SMAP1: variants seen among roughly 807,000 people sequenced by gnomAD.
SMAP1 encodes the protein small ArfGAP 1.
In SMAP1, 24 loss-of-function variants were observed where a neutral mutation model predicts 58.5. That is an observed-to-expected ratio of 0.41 (90% CI 0.30 to 0.58). The LOEUF is 0.58. SMAP1 is among the 20% of genes least tolerant of loss of function. The pLI is 0.29. For synonymous variants in SMAP1, 216 were observed against 196.6 expected (o/e 1.10, Z -0.82); for missense variants, 563 against 566.3 (o/e 0.99, Z 0.06).
chr6:70,854,445 A>C (rs1771313728), intron 8 of SMAP1, among the ~76,000 whole-genome samples: 1 of 152,114 alleles, frequency 6.6e-6, no homozygotes, highest in Non-Finnish European at 1.5e-5. Context: ...AACATGGTGA[A>C]ACCCCATCTC....
At chr6:70,795,622 A>T (rs1251658232) in intron 5 of SMAP1, among the ~76,000 whole-genome samples, 1 of 152,134 alleles carries the variant, frequency 6.6e-6, no homozygotes, top group Non-Finnish European at 1.5e-5. Context: ...ATAATATCAC[A>T]TTGGGGATTA....
At chr6:70,774,089 C>T (rs1229161120) in intron 4 of SMAP1, among the ~76,000 whole-genome samples, 1 of 152,104 alleles carries the variant, frequency 6.6e-6, no homozygotes, top group Non-Finnish European at 1.5e-5. Flanking sequence ...ACATGCAGTA[C>T]AGGTTTGTAG....
In SMAP1 at chr6:70,860,034, C is replaced by CAAAGT. The variant is rs764774474; in HGVS notation, c.1270-164_1270-160dup. On this transcript the variant is annotated intron_variant, in intron 10 of 10. Coordinates refer to ENST00000370455, the MANE Select transcript of SMAP1 (RefSeq NM_001044305.3). ...TCTAGAAAGTAGATAAAGAAGGGAA[C>CAAAGT]AAAGTAGCTATTTGCTTTAAGAAAT... 11 of 654,770 alleles carry CAAAGT rather than the reference C, an allele frequency of 1.7e-5. No homozygotes were observed. The South Asian group carries it at 1.7e-4, about 10-fold the overall frequency. The allele number at this position is 654,770 out of a possible 1,614,324, so 40.6% of individuals were successfully genotyped here. A position where few individuals can be genotyped will look rare whatever the true frequency, so the allele number is the denominator to read the frequency against.
chr6:70,786,038 A>C (rs1768009302), intron 4 of SMAP1, among the ~76,000 whole-genome samples: 1 of 152,256 alleles, frequency 6.6e-6, no homozygotes. Flanking sequence ...ATGAACATAC[A>C]TGCAAAAATT....
chr6:70,701,730 G>A (rs570336857), intron 1 of SMAP1, among the ~76,000 whole-genome samples: 1 of 152,152 alleles, frequency 6.6e-6, no homozygotes, highest in Non-Finnish European at 1.5e-5. Flanking sequence ...CTGCTGTCCA[G>A]GGGGTTGAGG....
chr6:70,683,813 A>G lies in SMAP1; in HGVS notation c.118+15672A>G, dbSNP rs1417336744. On this transcript the variant is annotated intron_variant, in intron 1 of 10. Coordinates refer to ENST00000370455, the MANE Select transcript of SMAP1 (RefSeq NM_001044305.3). ...GGTATCTGTTCGAGTCTGCTATACT[A>G]GAGAGATAAAAGAGGTTAAATGACT... is the stretch of plus-strand genomic sequence containing the variant. Among the ~76,000 whole-genome samples, 4 of 152,242 alleles carry G rather than the reference A, an allele frequency of 2.6e-5. No individual in the cohort carries two copies. In the South Asian group the frequency reaches 8.3e-4, roughly 32 times the overall value.
At chr6:70,744,213 GTGCACAACA>G (rs1562128616) in intron 2 of SMAP1, among the ~76,000 whole-genome samples, 1 of 148,590 alleles carries the variant, frequency 6.7e-6, no homozygotes, top group East Asian at 2.0e-4. Context: ...TAGGGTACAT[GTGCACAACA>G]TGCAGGTTTG....
Position 70,757,677 on chromosome 6 carries a change from AAAAC to A in SMAP1, c.338+2619_338+2622del, listed in dbSNP as rs796561213. On this transcript the variant is annotated intron_variant, in intron 3 of 10. Transcript: ENST00000370455. Reference sequence around the variant, plus strand: ...TGAACTCAAACAAATTTACAAGAAAAAAACAAACAACCCCATCAAAAAGTGGGCG... The same window carrying A: ...TGAACTCAAACAAATTTACAAGAAAAAAACAACCCCATCAAAAAGTGGGCG... Among the ~76,000 whole-genome samples the A allele has an allele frequency of 5.2e-4, 79 of 152,288 alleles. 1 individual carries two copies. The East Asian group carries it at 7.1e-3, about 14-fold the overall frequency.
At chr6:70,675,734 A>G (rs984786554) in intron 1 of SMAP1, among the ~76,000 whole-genome samples, 5 of 151,958 alleles carry the variant, frequency 3.3e-5, no homozygotes, top group Non-Finnish European at 7.4e-5. Context: ...GGGGATAGGT[A>G]GATAAGGTTC....
At chr6:70,791,666 G>T in intron 4 of SMAP1, 23 bp from the exon 5 acceptor site, 2 of 1,590,418 alleles carry the variant, frequency 1.3e-6, no homozygotes, top group Admixed American at 1.7e-5. Context: ...TTTTCCTCCT[G>T]ACTTTTCACC....
chr6:70,685,169 C>G (rs1250394748), intron 1 of SMAP1, among the ~76,000 whole-genome samples: 1 of 151,568 alleles, frequency 6.6e-6, no homozygotes, highest in East Asian at 1.9e-4. Context: ...TATTACTTTG[C>G]AGGAAGCATT....
intron 1 of SMAP1, among the ~76,000 whole-genome samples, chr6:70,692,782 T>C (rs563991702): frequency 6.6e-6 from 1 of 152,308 alleles, no homozygotes; most frequent in East Asian, 1.9e-4. Context: ...TCTATGTGTC[T>C]ATTTTTTGTT....
At chr6:70,813,952 G>T (rs893599687) in intron 6 of SMAP1, among the ~76,000 whole-genome samples, 1 of 151,964 alleles carries the variant, frequency 6.6e-6, no homozygotes, top group Non-Finnish European at 1.5e-5. Flanking sequence ...TAATTCATCT[G>T]GTAGCATTTA....
At chr6:70,778,413 A>G (rs1273418540) in intron 4 of SMAP1, among the ~76,000 whole-genome samples, 1 of 152,232 alleles carries the variant, frequency 6.6e-6, no homozygotes, top group East Asian at 1.9e-4. Flanking sequence ...AATGTTTATC[A>G]TGAAGAGATG....
chr6:70,708,803 A>G (rs1767942927), intron 1 of SMAP1, among the ~76,000 whole-genome samples: 1 of 152,130 alleles, frequency 6.6e-6, no homozygotes, highest in Non-Finnish European at 1.5e-5. Context: ...CCCGTTTTTA[A>G]GTAAGTGTTT....
intron 1 of SMAP1, among the ~76,000 whole-genome samples, chr6:70,729,451 AAAG>A (rs1358628417): frequency 2.4e-4 from 20 of 83,230 alleles, no homozygotes; most frequent in South Asian, 9.0e-4. Context: ...AAAAAAAAAA[AAAG>A]AAGGTTGTGT....
intron 6 of SMAP1, among the ~76,000 whole-genome samples, chr6:70,814,902 A>G (rs187530463): frequency 1.3e-5 from 2 of 152,140 alleles, no homozygotes; most frequent in African/African-American, 2.4e-5. Flanking sequence ...GCTTCTGTAC[A>G]TTGCTAAATG....
At chr6:70,814,132 C>T (rs1769509426) in intron 6 of SMAP1, among the ~76,000 whole-genome samples, 2 of 152,146 alleles carry the variant, frequency 1.3e-5, no homozygotes, top group Admixed American at 6.6e-5. Flanking sequence ...GGTTTGCTGC[C>T]TGCCAAAAGA....
intron 6 of SMAP1, among the ~76,000 whole-genome samples, chr6:70,803,252 T>G (rs187536743): frequency 1.6e-4 from 24 of 152,270 alleles, no homozygotes; most frequent in African/African-American, 5.8e-4. Context: ...TGTCCAGCAA[T>G]TTATCATTTT....
Sources: allele counts gnomAD v4.1 joint callset (sites outside exome capture counted in the v4.1 genomes callset), GRCh38; gene constraint gnomAD v4.1.1; transcripts MANE v1.5; gene names NCBI Gene and HGNC (gene_info 2026-07-23, HGNC 2026-07-21).